The following RAVER1 variants were observed in gnomAD, a reference collection of about 807,000 sequenced individuals.
RAVER1 encodes the protein ribonucleoprotein, PTB binding 1.
In RAVER1, 36 loss-of-function variants were observed where a neutral mutation model predicts 68.4. That is an observed-to-expected ratio of 0.53 (90% confidence interval 0.40 to 0.70). RAVER1 has a LOEUF of 0.70. Among genes scored for constraint, RAVER1 ranks in the 30% least tolerant of loss-of-function variants. The pLI is 0.00. For missense variants in RAVER1, 933 were observed against 1,019.8 expected, an observed-to-expected ratio of 0.91 and a Z score of 1.16; for synonymous variants, 469 against 472.7, an observed-to-expected ratio of 0.99 and a Z score of 0.10.
At chr19:10,326,622 T>C (rs2040476413) in intron 3 of RAVER1, among the ~76,000 whole-genome samples, 1 of 149,612 alleles carries the variant, frequency 6.7e-6, no homozygotes, top group African/African-American at 2.6e-5. Flanking sequence ...CTTTTTTTTT[T>C]TGTTGTATTT....
Position 10,323,305 on chromosome 19 carries a change from GC to G in RAVER1, c.949-32del. On this transcript the variant is annotated intron_variant, in intron 4 of 12. Coordinates refer to ENST00000617231, the MANE Select transcript of RAVER1 (RefSeq NM_133452.3). This position sits in a 1 kb window ranked among gnomAD's most constrained non-coding sequence, Gnocchi z 6.2. Reference sequence around the variant, plus strand: ...GGAAGGAACAGAAGCAGCTCAGAGTGCCGCTGGGGCCCTGACATCCCCATGG... The same window carrying G: ...GGAAGGAACAGAAGCAGCTCAGAGTGCGCTGGGGCCCTGACATCCCCATGG... The G allele has an allele frequency of 6.2e-7, 1 of 1,612,320 alleles. No individual in the cohort carries two copies. The highest frequency in any genetic ancestry group is 8.5e-7 in the Non-Finnish European group (1 of 1,179,288).
rs1370078952 is a variant in RAVER1 at position 10,329,798 on chromosome 19, G to A, written c.286+662C>T. On this transcript the variant is annotated intron_variant, in intron 2 of 12. Coordinates refer to ENST00000617231, the MANE Select transcript of RAVER1 (RefSeq NM_133452.3). The surrounding 1 kb of genome is among the most constrained non-coding windows in gnomAD (Gnocchi z 4.6). ...CTGCAGGGTGCAGTGCAGCCTGTGCGGGCTCGCTGACCTCCCCTCCCATCT... is the reference window on the plus strand; with the variant it reads ...CTGCAGGGTGCAGTGCAGCCTGTGCAGGCTCGCTGACCTCCCCTCCCATCT... Among the ~76,000 whole-genome samples the A allele has an allele frequency of 2.0e-5, 3 of 152,076 alleles. No individual in the cohort carries two copies. Among genetic ancestry groups the A allele is most frequent in the South Asian group, 2.1e-4 (1 of 4,828 alleles).
rs199975670 is a variant in RAVER1 at position 10,329,048 on chromosome 19, C to T, written c.350G>A (p.Arg117His). 2,033 of 1,534,160 alleles carry T rather than the reference C, an allele frequency of 1.3e-3. 4 individuals carry two copies. The highest frequency in any genetic ancestry group is 1.6e-3 in the Non-Finnish European group (1,860 of 1,138,554). Residue 117 changes from arginine to histidine, a missense_variant, in exon 3 of 13, where the codon CGC becomes CAC. This residue lies in a region of RAVER1 where 211 missense variants were observed against 230.0 expected (regional missense o/e 0.92). Transcript: ENST00000617231. The surrounding 1 kb of genome is among the most constrained non-coding windows in gnomAD (Gnocchi z 4.6). ...CACCGACAGTTCACGCTCCCGCAGG[C>T]GGCTCTGGTGGAAAGCATTGATTGC... is the stretch of plus-strand genomic sequence containing the variant. ...EAAINAFHQS[R>H]LRERELSVQL...
intron 9 of RAVER1, 135 bp downstream of exon 9, chr19:10,320,520 A>AG (rs2040428003): frequency 1.3e-6 from 1 of 770,676 alleles, no homozygotes; most frequent in South Asian, 2.1e-5. Context: ...AAAAAAAAAA[A>AG]AAAAGCAGAG....
chr19:10,322,821 G>T lies in RAVER1; in HGVS notation c.1079-82C>A. 1 of 810,280 alleles carries T rather than the reference G, an allele frequency of 1.2e-6. No individual in the cohort carries two copies. 50.2% of individuals were successfully genotyped at this position (810,280 alleles called of 1,614,324 possible). ...CACGAAACACAGCCCTGAACCCATT[G>T]ATGGGGCAGGAAACTGACACTCTGG... On this transcript the variant is annotated intron_variant, in intron 5 of 12. Transcript: ENST00000617231. This position sits in a 1 kb window ranked among gnomAD's most constrained non-coding sequence, Gnocchi z 4.3.
At position 10,316,338 on chromosome 19, in the gene RAVER1, G is replaced by A. The variant is rs561916669; in HGVS notation, c.*1116C>T. ...CCCCCAGAGTCAAGGGAGGGAAGCT[G>A]GTGGCCCAGTTGGCTGGGGGCAAGG... On this transcript the variant is annotated 3_prime_UTR_variant, in exon 13 of 13. Transcript: ENST00000617231. 1 of 1,130,010 alleles carries A rather than the reference G, an allele frequency of 8.8e-7. No homozygotes were observed. The highest frequency in any genetic ancestry group is 1.7e-5 in the African/African-American group (1 of 59,870). 70.0% of individuals were successfully genotyped at this position (1,130,010 alleles called of 1,614,324 possible).
Position 10,323,185 on chromosome 19 carries a change from C to T in RAVER1, c.1038G>A (p.Leu346=). Residue 346 remains leucine (L), a synonymous_variant, in exon 5 of 13, where the codon CTG becomes CTA. Transcript: ENST00000617231. This position sits in a 1 kb window ranked among gnomAD's most constrained non-coding sequence, Gnocchi z 6.2. Reference sequence around the variant, plus strand: ...CACTGCCATGGAGCAGGGGGTTGAGCAGCAGCTGGAGGGACGCGGATGGGC... The same window carrying T: ...CACTGCCATGGAGCAGGGGGTTGAGTAGCAGCTGGAGGGACGCGGATGGGC... ...NLGPSASLQL[L]LNPLLHGSAG... is the part of the protein sequence containing the mutation. The T allele has an allele frequency of 6.2e-7, 1 of 1,611,954 alleles. No individual in the cohort carries two copies. The highest frequency in any genetic ancestry group is 8.5e-7 in the Non-Finnish European group (1 of 1,179,156).
At chr19:10,319,401 C>T (rs754367807) in intron 9 of RAVER1, among the ~76,000 whole-genome samples, 161 bp from the exon 10 acceptor site, 1 of 152,248 alleles carries the variant, frequency 6.6e-6, no homozygotes, top group Non-Finnish European at 1.5e-5. Flanking sequence ...GGGATGGCTG[C>T]TGTGAAGGGG....
In RAVER1 at chr19:10,323,075, C is replaced by A. The variant is rs1295196860; in HGVS notation, c.1078+70G>T. On this transcript the variant is annotated intron_variant, in intron 5 of 12. Coordinates refer to ENST00000617231, the MANE Select transcript of RAVER1 (RefSeq NM_133452.3). This position sits in a 1 kb window ranked among gnomAD's most constrained non-coding sequence, Gnocchi z 6.2. ...TCACTGCAGCCAAGATGAGCAGTTT[C>A]GGGAAGTGCCGGGGGCAGCGCTGCA... is the stretch of plus-strand genomic sequence containing the variant. 2.3e-6 allele frequency: 3 copies of A among 1,310,550 alleles called. No individual in the cohort carries two copies. Among genetic ancestry groups the A allele is most frequent in the Non-Finnish European group, 2.1e-6 (2 of 967,540 alleles). The allele number at this position is 1,310,550 out of a possible 1,614,324, so 81.2% of individuals were successfully genotyped here. A position where few individuals can be genotyped will look rare whatever the true frequency, so the allele number is the denominator to read the frequency against.
chr19:10,330,649 A>C (rs890112652), intron 1 of RAVER1, 123 bp from the exon 2 acceptor site: 2 of 620,350 alleles, frequency 3.2e-6, no homozygotes. Flanking sequence ...TTTACCAATG[A>C]GGAAACTGAG....
In RAVER1 at chr19:10,317,371, T is replaced by C. The variant is rs2040397624; in HGVS notation, c.*83A>G. 2.1e-6 allele frequency: 3 copies of C among 1,442,960 alleles called. No homozygotes were observed. Among genetic ancestry groups the C allele is most frequent in the Admixed American group, 3.6e-5 (2 of 55,802 alleles). The allele number at this position is 1,442,960 out of a possible 1,614,324, so 89.4% of individuals were successfully genotyped here. A position where few individuals can be genotyped will look rare whatever the true frequency, so the allele number is the denominator to read the frequency against. On this transcript the variant is annotated 3_prime_UTR_variant, in exon 13 of 13. Coordinates refer to ENST00000617231, the MANE Select transcript of RAVER1 (RefSeq NM_133452.3). This position sits in a 1 kb window ranked among gnomAD's most constrained non-coding sequence, Gnocchi z 4.3. The stretch of plus-strand genomic sequence containing the variant: ...TCTATTACCGAAAGAGAGAAAATGG[T>C]TTAAAAAAAACACAAAACAAAACAT...
chr19:10,333,342 G>A lies in RAVER1; in HGVS notation c.166C>T (p.Arg56Cys). The change falls in exon 1 of 13, where the codon CGT becomes TGT. Residue 56 changes from arginine to cysteine, a missense_variant. By Grantham distance (180) the Arg-to-Cys change is radical. Around this residue, in one of 3 missense-constraint regions of RAVER1, gnomAD observed 211 missense variants for 230.0 expected, o/e 0.92. Transcript: ENST00000617231. The surrounding 1 kb of genome is among the most constrained non-coding windows in gnomAD (Gnocchi z 4.2). Reference protein sequence around the residue: ...KRLEHTERQFRNRRKILIRGL... With the variant: ...KRLEHTERQFCNRRKILIRGL... ...CGGATCAGTATCTTGCGGCGGTTAC[G>A]GAACTGGCGCTCGGTGTGTTCCAGG... The A allele has an allele frequency of 1.2e-6, 2 of 1,613,758 alleles. No individual in the cohort carries two copies. Among genetic ancestry groups the A allele is most frequent in the Non-Finnish European group, 1.7e-6 (2 of 1,179,742 alleles).
Position 10,320,888 on chromosome 19 carries a change from G to A in RAVER1, c.1537C>T (p.His513Tyr), listed in dbSNP as rs772978969. 2 of 1,510,274 alleles carry A rather than the reference G, an allele frequency of 1.3e-6. No individual in the cohort carries two copies. The highest frequency in any genetic ancestry group is 2.5e-5 in the East Asian group (1 of 40,584). The allele number at this position is 1,510,274 out of a possible 1,614,324, so 93.6% of individuals were successfully genotyped here. Residue 513 changes from histidine to tyrosine, a missense_variant, in exon 9 of 13, where the codon CAC becomes TAC. Coordinates refer to ENST00000617231, the MANE Select transcript of RAVER1 (RefSeq NM_133452.3). ...AGGTTGCTGGCCGGGAGCAGGCTGT[G>A]TAGGTTCAGGTAGGGATTCAGGGGA... ...RIPLNPYLNL[H>Y]SLLPASNLAG...
At position 10,329,060 on chromosome 19, in the gene RAVER1, A is replaced by G; in HGVS notation, c.338T>C (p.Phe113Ser). 6.6e-7 allele frequency: 1 copy of G among 1,526,236 alleles called. No homozygotes were observed. Among genetic ancestry groups the G allele is most frequent in the Non-Finnish European group, 8.8e-7 (1 of 1,134,844 alleles). The allele number at this position is 1,526,236 out of a possible 1,614,324, so 94.5% of individuals were successfully genotyped here. The stretch of plus-strand genomic sequence containing the variant: ...ACGCTCCCGCAGGCGGCTCTGGTGG[A>G]AAGCATTGATTGCGGCCTCGGCCTG... ...GEQAEAAINA[F>S]HQSRLREREL... The change falls in exon 3 of 13, where the codon TTC becomes TCC. Residue 113 changes from phenylalanine to serine, a missense_variant. Around this residue, in one of 3 missense-constraint regions of RAVER1, gnomAD observed 211 missense variants for 230.0 expected, o/e 0.92. Transcript: ENST00000617231. This position sits in a 1 kb window ranked among gnomAD's most constrained non-coding sequence, Gnocchi z 4.6.
Position 10,329,474 on chromosome 19 carries a change from G to T in RAVER1, c.287-363C>A, listed in dbSNP as rs144800844. On this transcript the variant is annotated intron_variant, in intron 2 of 12. Transcript: ENST00000617231. This position sits in a 1 kb window ranked among gnomAD's most constrained non-coding sequence, Gnocchi z 4.6. ...GCCCCAAGCCCCAGGTGGCTTTGGG[G>T]GTATCAGTTTCCTCATCTCTCAAAT... 5.4e-4 allele frequency among the ~76,000 whole-genome samples: 82 copies of T among 152,248 alleles called. No individual in the cohort carries two copies. The highest frequency in any genetic ancestry group is 1.8e-3 in the African/African-American group (76 of 41,550).
rs763035642 is a variant in RAVER1 at position 10,333,496 on chromosome 19, G to A, written c.12C>T (p.Asp4=). ...GCGGGGGCCGGTGAGTAACGGACAC[G>A]TCCGCCGCCATCTTGGGAAACCCGG... MAA[D]VSVTHRPPLS... is the part of the protein sequence containing the mutation. The change falls in exon 1 of 13, where the codon GAC becomes GAT. Residue 4 remains aspartate, a synonymous_variant. Transcript: ENST00000617231. The surrounding 1 kb of genome is among the most constrained non-coding windows in gnomAD (Gnocchi z 4.2). 2.5e-6 allele frequency: 4 copies of A among 1,599,712 alleles called. No individual in the cohort carries two copies. Among genetic ancestry groups the A allele is most frequent in the Non-Finnish European group, 3.4e-6 (4 of 1,173,276 alleles).
chr19:10,333,208 A>T lies in RAVER1; in HGVS notation c.219+81T>A. The T allele has an allele frequency of 7.3e-7, 1 of 1,372,566 alleles. No homozygotes were observed. The highest frequency in any genetic ancestry group is 9.9e-7 in the Non-Finnish European group (1 of 1,010,622). The allele number at this position is 1,372,566 out of a possible 1,614,324, so 85.0% of individuals were successfully genotyped here. ...CCCGCCAACGACCCCCGCGCACCTC[A>T]GCGTTGGTGTCGCCCGGTTCCCCCC... On this transcript the variant is annotated intron_variant, in intron 1 of 12. Coordinates refer to ENST00000617231, the MANE Select transcript of RAVER1 (RefSeq NM_133452.3). This position sits in a 1 kb window ranked among gnomAD's most constrained non-coding sequence, Gnocchi z 4.2.
chr19:10,323,353 A>C lies in RAVER1; in HGVS notation c.948+22T>G, dbSNP rs1311372011. On this transcript the variant is annotated intron_variant, in intron 4 of 12. Transcript: ENST00000617231. This position sits in a 1 kb window ranked among gnomAD's most constrained non-coding sequence, Gnocchi z 6.2. ...ATGGGGCTCCCATCCCCACCCCGCCACCTCTGCCCGCACAGGCTCACCGTG... is the reference window on the plus strand; with the variant it reads ...ATGGGGCTCCCATCCCCACCCCGCCCCCTCTGCCCGCACAGGCTCACCGTG... 2 of 1,605,610 alleles carry C rather than the reference A, an allele frequency of 1.2e-6. No individual in the cohort carries two copies. The highest frequency in any genetic ancestry group is 3.4e-5 in the Admixed American group (2 of 58,588).
At chr19:10,332,530 G>A (rs1317678588) in intron 1 of RAVER1, among the ~76,000 whole-genome samples, 1 of 152,200 alleles carries the variant, frequency 6.6e-6, no homozygotes, top group Non-Finnish European at 1.5e-5. Context: ...GTGCTGGTGG[G>A]CCGGAGAGCA....
Sources: allele counts gnomAD v4.1 joint callset (sites outside exome capture counted in the v4.1 genomes callset), GRCh38; gene constraint gnomAD v4.1.1; regional missense constraint gnomAD v4.1.1; non-coding constraint Gnocchi (gnomAD v3.1); transcripts MANE v1.5; gene names NCBI Gene and HGNC (gene_info 2026-07-23, HGNC 2026-07-21).